CASR: variants seen among roughly 807,000 people sequenced by gnomAD.
CASR encodes calcium sensing receptor.
A neutral mutation model predicts 69.1 loss-of-function variants in CASR; 23 were observed. The ratio of observed to expected loss-of-function variants is 0.33; its 90% CI spans 0.24 to 0.47. The LOEUF (loss-of-function observed/expected upper bound fraction) is 0.47. Among genes scored for constraint, CASR ranks in the 20% least tolerant of loss-of-function variants. CASR has a pLI of 1.00. For missense variants in CASR, 924 were observed against 1,356.1 expected, an observed-to-expected ratio of 0.68 and a Z score of 5.00; for synonymous variants, 541 against 544.7, an observed-to-expected ratio of 0.99 and a Z score of 0.10.
At chr3:122,264,884 A>C (rs1461545375) in intron 4 of CASR, among the ~76,000 whole-genome samples, 1 of 152,232 alleles carries the variant, frequency 6.6e-6, no homozygotes, top group Non-Finnish European at 1.5e-5. Context: ...ATTAAGATCT[A>C]TATGGAAACT....
intron 1 of CASR, among the ~76,000 whole-genome samples, chr3:122,197,256 CTG>C (rs2073899926): frequency 6.6e-6 from 1 of 152,182 alleles, no homozygotes; most frequent in Non-Finnish European, 1.5e-5. Flanking sequence ...TTGTCTGGTG[CTG>C]TGTGTCCTTG....
intron 1 of CASR, among the ~76,000 whole-genome samples, chr3:122,231,341 A>G (rs1025373064): frequency 2.0e-5 from 3 of 152,212 alleles, no homozygotes; most frequent in African/African-American, 7.2e-5. Context: ...GCAAGTCATC[A>G]TGCTGATCAA....
chr3:122,270,758 C>T (rs541763915), intron 4 of CASR, among the ~76,000 whole-genome samples: 1 of 152,030 alleles, frequency 6.6e-6, no homozygotes, highest in Non-Finnish European at 1.5e-5. Flanking sequence ...TTCTTTGGCT[C>T]TCAGGTTTAG....
At chr3:122,251,531 GC>G (rs763766413) in intron 1 of CASR, among the ~76,000 whole-genome samples, 1 of 152,208 alleles carries the variant, frequency 6.6e-6, no homozygotes, top group Non-Finnish European at 1.5e-5. Context: ...ACCCAGACAT[GC>G]CCTGCAATTA....
chr3:122,194,794 G>A (rs943512677), intron 1 of CASR, among the ~76,000 whole-genome samples: 4 of 151,846 alleles, frequency 2.6e-5, no homozygotes, highest in Non-Finnish European at 5.9e-5. Flanking sequence ...CAACATCCAC[G>A]TTATCACCCA....
chr3:122,268,022 G>A (rs947386019), intron 4 of CASR, among the ~76,000 whole-genome samples: 1 of 152,214 alleles, frequency 6.6e-6, no homozygotes, highest in Non-Finnish European at 1.5e-5. Flanking sequence ...TCCTGCATGT[G>A]AGTAGGTAGT....
chr3:122,241,248 G>A (rs913062484), intron 1 of CASR, among the ~76,000 whole-genome samples: 4 of 151,818 alleles, frequency 2.6e-5, no homozygotes, highest in African/African-American at 9.7e-5. Context: ...ATGAAAAGCG[G>A]GTGTTTTGAA....
At chr3:122,184,916 T>C (rs1188017037) in intron 1 of CASR, among the ~76,000 whole-genome samples, 1 of 152,116 alleles carries the variant, frequency 6.6e-6, no homozygotes, top group Non-Finnish European at 1.5e-5. Flanking sequence ...TGTATGAATA[T>C]GGAGGGGAGG....
rs572401372 is a variant in CASR at position 122,217,308 on chromosome 3, C to T, written c.-243+33496C>T. ...GTAGAGACAGGGTCTTTCTTTGTTG[C>T]CCAGGCTGGTTCAAACTCTTGAGTT... On this transcript the variant is annotated intron_variant, in intron 1 of 6. Coordinates refer to ENST00000639785, the MANE Select transcript of CASR (RefSeq NM_000388.4). 5.3e-5 allele frequency among the ~76,000 whole-genome samples: 8 copies of T among 152,164 alleles called. No individual in the cohort carries two copies. In the South Asian group the frequency reaches 1.7e-3, roughly 32 times the overall value.
chr3:122,270,028 G>T (rs1192918988), intron 4 of CASR, among the ~76,000 whole-genome samples: 1 of 152,102 alleles, frequency 6.6e-6, no homozygotes, highest in Non-Finnish European at 1.5e-5. Flanking sequence ...GTTTAGTAGA[G>T]ATGGGGTTTC....
At chr3:122,216,494 AT>A (rs1220169014) in intron 1 of CASR, among the ~76,000 whole-genome samples, 1 of 152,216 alleles carries the variant, frequency 6.6e-6, no homozygotes, top group Non-Finnish European at 1.5e-5. Context: ...TTCTTTTGAC[AT>A]TTAACTTATC....
intron 1 of CASR, among the ~76,000 whole-genome samples, chr3:122,187,893 A>G (rs977992401): frequency 3.3e-5 from 5 of 152,176 alleles, no homozygotes; most frequent in African/African-American, 1.2e-4. Context: ...AGAAACAAAG[A>G]TTTGAGTCGT....
At chr3:122,248,485 G>A (rs569060680) in intron 1 of CASR, among the ~76,000 whole-genome samples, 8 of 152,238 alleles carry the variant, frequency 5.3e-5, no homozygotes, top group South Asian at 4.1e-4. Context: ...TCATTGTGAC[G>A]AAAGAGAGTA....
rs768101011 is a variant in CASR at position 122,261,692 on chromosome 3, G to A, written c.657G>A (p.Gly219=). The A allele has an allele frequency of 1.9e-6, 3 of 1,614,242 alleles. No homozygotes were observed. Among genetic ancestry groups the A allele is most frequent in the Admixed American group, 3.3e-5 (2 of 60,036 alleles). Reference sequence around the variant, plus strand: ...CAATTGCAGCTGATGACGACTATGGGCGGCCGGGGATTGAGAAATTCCGAG... The same window carrying A: ...CAATTGCAGCTGATGACGACTATGGACGGCCGGGGATTGAGAAATTCCGAG... ...VGTIAADDDY[G]RPGIEKFREE... is the part of the protein sequence containing the mutation. The change falls in exon 4 of 7, where the codon GGG becomes GGA. Residue 219 remains glycine (G), a synonymous_variant. Coordinates refer to ENST00000639785, the MANE Select transcript of CASR (RefSeq NM_000388.4).
Position 122,285,246 on chromosome 3 carries a change from A to G in CASR, c.*55A>G. ...ATGCAGAGAGGTTTCTTGGGGTCCC[A>G]GGGAAGAGGAATCGCCCCAGACTCC... On this transcript the variant is annotated 3_prime_UTR_variant, in exon 7 of 7. Transcript: ENST00000639785. 2 of 1,542,002 alleles carry G rather than the reference A, an allele frequency of 1.3e-6. No individual in the cohort carries two copies. Among genetic ancestry groups the G allele is most frequent in the Non-Finnish European group, 9.0e-7 (1 of 1,116,570 alleles).
At chr3:122,206,511 A>C (rs1331529159) in intron 1 of CASR, among the ~76,000 whole-genome samples, 1 of 151,968 alleles carries the variant, frequency 6.6e-6, no homozygotes, top group Non-Finnish European at 1.5e-5. Flanking sequence ...ATCTATGTCT[A>C]TCAGGAATAG....
chr3:122,277,789 G>T (rs1406197971), intron 5 of CASR, among the ~76,000 whole-genome samples: 1 of 152,158 alleles, frequency 6.6e-6, no homozygotes, highest in African/African-American at 2.4e-5. Flanking sequence ...CTCCACTGCA[G>T]CAGGGAGCTA....
chr3:122,249,485 A>C (rs2074461320), intron 1 of CASR, among the ~76,000 whole-genome samples: 1 of 152,248 alleles, frequency 6.6e-6, no homozygotes, highest in African/African-American at 2.4e-5. Context: ...GCACGAATTT[A>C]TAACTTCATG....
At chr3:122,246,574 A>C (rs2074429708) in intron 1 of CASR, 1 of 152,208 alleles carries the variant, frequency 6.6e-6, no homozygotes, top group South Asian at 2.1e-4. Context: ...CAGAATTTCC[A>C]TGTGCTTAGA....
Sources: allele counts gnomAD v4.1 joint callset (sites outside exome capture counted in the v4.1 genomes callset), GRCh38; gene constraint gnomAD v4.1.1; transcripts MANE v1.5; gene names NCBI Gene and HGNC (gene_info 2026-07-23, HGNC 2026-07-21).